RUNDC3B: variants seen among roughly 807,000 people sequenced by gnomAD.
RUNDC3B encodes RUN domain-containing protein 3B.
Under a neutral mutation model 58.4 loss-of-function variants are expected in RUNDC3B, and 33 were observed. That is an observed-to-expected ratio of 0.56 (90% CI 0.43 to 0.75). RUNDC3B has a LOEUF of 0.75. RUNDC3B is among the 30% of genes least tolerant of loss of function. The pLI is 0.00. For synonymous variants in RUNDC3B, 193 were observed against 195.2 expected (o/e 0.99, Z 0.10); for missense variants, 501 against 535.7 (o/e 0.94, Z 0.64).
chr7:87,744,098 C>T (rs533372789), intron 6 of RUNDC3B, among the ~76,000 whole-genome samples: 3 of 152,124 alleles, frequency 2.0e-5, no homozygotes, highest in African/African-American at 4.8e-5. Flanking sequence ...TTTCTGTTTG[C>T]TTTGTCGTAG....
intron 7 of RUNDC3B, among the ~76,000 whole-genome samples, chr7:87,772,374 A>C (rs1584165897): frequency 6.6e-6 from 1 of 152,322 alleles, no homozygotes. Context: ...AGAAAGAGTC[A>C]GAGATGCACA....
intron 2 of RUNDC3B, among the ~76,000 whole-genome samples, chr7:87,697,120 T>C (rs1828558893): frequency 1.3e-5 from 2 of 152,228 alleles, no homozygotes; most frequent in Admixed American, 1.3e-4. Flanking sequence ...GCCAAAGTCC[T>C]GGACCCTTGT....
chr7:87,778,032 C>A, intron 8 of RUNDC3B, 77 bp downstream of exon 8: 1 of 1,250,464 alleles, frequency 8.0e-7, no homozygotes, highest in Non-Finnish European at 1.1e-6. Context: ...ATACAGGAGG[C>A]AAATTCCAAG....
chr7:87,647,384 A>G (rs1238180279), intron 1 of RUNDC3B, among the ~76,000 whole-genome samples: 1 of 152,216 alleles, frequency 6.6e-6, no homozygotes, highest in African/African-American at 2.4e-5. Context: ...TCCAGAAGCT[A>G]CATAATGTGT....
At chr7:87,762,648 A>T (rs946963284) in intron 6 of RUNDC3B, among the ~76,000 whole-genome samples, 6 of 151,514 alleles carry the variant, frequency 4.0e-5, no homozygotes, top group African/African-American at 1.4e-4. Flanking sequence ...ACTGTATTTC[A>T]TCTAATCTAT....
intron 2 of RUNDC3B, among the ~76,000 whole-genome samples, chr7:87,675,307 A>G (rs1826215813): frequency 1.3e-5 from 2 of 152,178 alleles, no homozygotes; most frequent in South Asian, 4.1e-4. Context: ...TATCAATATA[A>G]TCTTTTTCAA....
At chr7:87,826,947 AAC>A (rs1837848575) in intron 10 of RUNDC3B, among the ~76,000 whole-genome samples, 1 of 152,182 alleles carries the variant, frequency 6.6e-6, no homozygotes, top group East Asian at 1.9e-4. Flanking sequence ...CTAAAATACA[AAC>A]CTTCCTAAAT....
At chr7:87,726,926 C>T (rs576085428) in intron 4 of RUNDC3B, among the ~76,000 whole-genome samples, 1 of 152,028 alleles carries the variant, frequency 6.6e-6, no homozygotes, top group Non-Finnish European at 1.5e-5. Flanking sequence ...GTGATTTTTG[C>T]ACATTGATTT....
chr7:87,664,068 A>G (rs1364199320), intron 2 of RUNDC3B, among the ~76,000 whole-genome samples: 1 of 152,118 alleles, frequency 6.6e-6, no homozygotes, highest in Non-Finnish European at 1.5e-5. Flanking sequence ...GCATTTATCA[A>G]TGTGTTGTAG....
intron 4 of RUNDC3B, among the ~76,000 whole-genome samples, chr7:87,719,903 A>G (rs1348575463): frequency 6.6e-5 from 10 of 151,452 alleles, no homozygotes; most frequent in African/African-American, 1.7e-4. Flanking sequence ...ATGAATTTCT[A>G]TATAACCCTA....
At chr7:87,689,475 C>T (rs1827810125) in intron 2 of RUNDC3B, among the ~76,000 whole-genome samples, 1 of 152,010 alleles carries the variant, frequency 6.6e-6, no homozygotes, top group South Asian at 2.1e-4. Context: ...CATAATTCAA[C>T]AATTTTGCTT....
intron 4 of RUNDC3B, among the ~76,000 whole-genome samples, chr7:87,723,026 G>C (rs1830999894): frequency 6.6e-6 from 1 of 152,104 alleles, no homozygotes; most frequent in Non-Finnish European, 1.5e-5. Context: ...AGTTGTCAAT[G>C]ATAATGTGAA....
intron 6 of RUNDC3B, among the ~76,000 whole-genome samples, chr7:87,754,352 A>C (rs75744517): frequency 0.014 from 2,156 of 152,332 alleles, 54 homozygotes; most frequent in African/African-American, 0.049. Flanking sequence ...TGGGTAAATA[A>C]TGAAATTAAG....
At chr7:87,655,016 C>A (rs932617918) in intron 2 of RUNDC3B, among the ~76,000 whole-genome samples, 3 of 152,090 alleles carry the variant, frequency 2.0e-5, no homozygotes. Flanking sequence ...TGCATATTAT[C>A]AAACAGCCGA....
chr7:87,731,253 A>G (rs1202705196), intron 4 of RUNDC3B, among the ~76,000 whole-genome samples: 12 of 152,242 alleles, frequency 7.9e-5, no homozygotes, highest in Non-Finnish European at 1.2e-4. Flanking sequence ...GATGTCAGTG[A>G]CCAATTCCAG....
intron 3 of RUNDC3B, among the ~76,000 whole-genome samples, chr7:87,703,885 CTTTTTTTTTTTTTTTT>C: frequency 5.0e-5 from 3 of 60,282 alleles, no homozygotes; most frequent in Non-Finnish European, 6.3e-5. Flanking sequence ...TCAGTTTTTT[CTTTTTTTTTTTTTTTT>C]TTTTTTTTTT....
intron 6 of RUNDC3B, among the ~76,000 whole-genome samples, chr7:87,763,488 C>T (rs546690340): frequency 6.6e-6 from 1 of 151,542 alleles, no homozygotes; most frequent in Non-Finnish European, 1.5e-5. Flanking sequence ...TGAAAATATG[C>T]TTATCTCATC....
intron 1 of RUNDC3B, among the ~76,000 whole-genome samples, chr7:87,639,575 T>C (rs1272090656): frequency 6.6e-6 from 1 of 152,136 alleles, no homozygotes; most frequent in Non-Finnish European, 1.5e-5. Flanking sequence ...TTGTTACTAG[T>C]TTTATGGAGA....
At chr7:87,751,214 G>T (rs540508153) in intron 6 of RUNDC3B, among the ~76,000 whole-genome samples, 2 of 152,044 alleles carry the variant, frequency 1.3e-5, no homozygotes, top group African/African-American at 2.4e-5. Flanking sequence ...ATTTCTGAGG[G>T]CTCTGTTCTG....
Sources: allele counts gnomAD v4.1 joint callset (sites outside exome capture counted in the v4.1 genomes callset), GRCh38; gene constraint gnomAD v4.1.1; transcripts MANE v1.5; gene names NCBI Gene and HGNC (gene_info 2026-07-23, HGNC 2026-07-21).